FKBP1B: variants seen among roughly 807,000 people sequenced by gnomAD.
FKBP1B encodes FKBP prolyl isomerase 1B, also known as peptidyl-prolyl cis-trans isomerase FKBP1B.
In FKBP1B, 4 loss-of-function variants were observed where a neutral mutation model predicts 13.5. The observed-to-expected ratio is 0.30, with a 90% confidence interval of 0.15 to 0.68. The LOEUF (loss-of-function observed/expected upper bound fraction) is 0.68. Ranked by LOEUF, FKBP1B falls within the 30% of genes least tolerant of loss-of-function variation. FKBP1B has a pLI of 0.76. For synonymous variants in FKBP1B, 54 were observed against 53.6 expected (o/e 1.01, Z -0.03); for missense variants, 93 against 136.2 (o/e 0.68, Z 1.58).
the FKBP1B span, chr2:24,038,043 G>C: frequency 6.2e-7 from 1 of 1,614,088 alleles, no homozygotes; most frequent in Non-Finnish European, 8.5e-7. Context: ...TCTGACTACT[G>C]GTATTAACTG....
At chr2:24,062,478 C>T (rs768599435) in intron 3 of FKBP1B, among the ~76,000 whole-genome samples, 38 of 152,066 alleles carry the variant, frequency 2.5e-4, no homozygotes, top group Non-Finnish European at 1.5e-4. Context: ...CACGCCCGGA[C>T]TTTTTGTATT....
In FKBP1B at chr2:24,063,474, C is replaced by A; in HGVS notation, c.*282C>A. On this transcript the variant is annotated 3_prime_UTR_variant, in exon 4 of 4. Coordinates refer to ENST00000380986, the MANE Select transcript of FKBP1B (RefSeq NM_004116.5). ...TTTCCTGATGACAGAACACAGATCT[C>A]TTGTTCGCACAATCTACACTGCCTT... 2.8e-6 allele frequency: 1 copy of A among 356,328 alleles called. No homozygotes were observed. Among genetic ancestry groups the A allele is most frequent in the Non-Finnish European group, 5.0e-6 (1 of 198,142 alleles). The allele number at this position is 356,328 out of a possible 1,614,324, so 22.1% of individuals were successfully genotyped here.
intron 1 of FKBP1B, among the ~76,000 whole-genome samples, chr2:24,051,959 A>G (rs1202636303): frequency 6.6e-6 from 1 of 152,144 alleles, no homozygotes; most frequent in Non-Finnish European, 1.5e-5. Context: ...TAGGCATCTC[A>G]AGATTGCCAC....
chr2:24,048,854 CCT>C (rs1462670294), upstream of FKBP1B, among the ~76,000 whole-genome samples: 1 of 152,120 alleles, frequency 6.6e-6, no homozygotes, highest in Non-Finnish European at 1.5e-5. Flanking sequence ...TGTCCCCGTC[CCT>C]CTCAGACTTA....
At chr2:24,040,557 T>TC in the FKBP1B span, among the ~76,000 whole-genome samples, 1 of 152,248 alleles carries the variant, frequency 6.6e-6, no homozygotes, top group African/African-American at 2.4e-5. Flanking sequence ...TACTTCTACT[T>TC]CATCTTATTC....
chr2:24,056,991 G>A (rs563205022), intron 2 of FKBP1B, among the ~76,000 whole-genome samples: 9 of 152,012 alleles, frequency 5.9e-5, no homozygotes, highest in East Asian at 1.9e-4. Flanking sequence ...GTGCCCGGCC[G>A]GTTGTCTTTT....
chr2:24,054,159 A>G (rs754790072), intron 2 of FKBP1B: 2 of 710,420 alleles, frequency 2.8e-6, no homozygotes, highest in Non-Finnish European at 5.2e-6. Flanking sequence ...TCCCTCTTCT[A>G]CCAGCAAGGG....
chr2:24,045,687 G>C (rs1663600781), upstream of FKBP1B: 1 of 151,204 alleles, frequency 6.6e-6, no homozygotes, highest in African/African-American at 2.4e-5. Flanking sequence ...AGAAAGGAAA[G>C]GAAGGGCAGG....
intron 3 of FKBP1B, among the ~76,000 whole-genome samples, chr2:24,061,577 T>C (rs1184157657): frequency 6.6e-6 from 1 of 152,210 alleles, no homozygotes; most frequent in African/African-American, 2.4e-5. Context: ...GAAAAGAATT[T>C]CAGAATTACA....
chr2:24,059,935 G>C (rs1664309678), intron 2 of FKBP1B, among the ~76,000 whole-genome samples: 1 of 150,212 alleles, frequency 6.7e-6, no homozygotes, highest in African/African-American at 2.4e-5. Flanking sequence ...AAGTGCAGAG[G>C]AATTTGAGAA....
rs1018003034 is a variant in FKBP1B, at chr2:24,050,611, C to T, written c.37+725C>T. 7.2e-5 allele frequency among the ~76,000 whole-genome samples: 11 copies of T among 152,212 alleles called. No individual in the cohort carries two copies. The highest frequency in any genetic ancestry group is 2.7e-4 in the African/African-American group (11 of 41,460). On this transcript the variant is annotated intron_variant, in intron 1 of 3. Coordinates refer to ENST00000380986, the MANE Select transcript of FKBP1B (RefSeq NM_004116.5). This position sits in a 1 kb window ranked among gnomAD's most constrained non-coding sequence, Gnocchi z 5.8. ...CTTCCCACCTTCTCTCCTAAGTGAT[C>T]CTCTTTATCCCCCTTCCGTGTCTCA... is the stretch of plus-strand genomic sequence containing the variant.
At chr2:24,037,331 T>A in the FKBP1B span, among the ~76,000 whole-genome samples, 2 of 152,194 alleles carry the variant, frequency 1.3e-5, no homozygotes, top group African/African-American at 4.8e-5. Context: ...CAACATAACC[T>A]TTTTTATAAC....
At position 24,060,826 on chromosome 2, in the gene FKBP1B, A is replaced by G. The variant is rs781188602; in HGVS notation, c.98A>G (p.Asn33Ser). Residue 33 changes from asparagine (N) to serine (S), a missense_variant, in exon 3 of 4, where the codon AAT becomes AGT. By Grantham distance (46) the Asn-to-Ser change is conservative. Transcript: ENST00000380986. ...CTTGCTTTGACAGGAATGCTCCAAA[A>G]TGGGAAGAAGTTTGATTCATCCAGA... ...CVVHYTGMLQ[N>S]GKKFDSSRDR... is the part of the protein sequence containing the mutation. The G allele has an allele frequency of 1.2e-6, 2 of 1,613,944 alleles. No homozygotes were observed. Among genetic ancestry groups the G allele is most frequent in the Non-Finnish European group, 1.7e-6 (2 of 1,179,806 alleles).
chr2:24,049,814 C>T lies in FKBP1B; in HGVS notation c.-36C>T, dbSNP rs900611735. On this transcript the variant is annotated 5_prime_UTR_variant, in exon 1 of 4. Coordinates refer to ENST00000380986, the MANE Select transcript of FKBP1B (RefSeq NM_004116.5). The stretch of plus-strand genomic sequence containing the variant: ...GAGCCGAGCCGGGGTCGGGCAGCAG[C>T]AGGGACCCCCCAGAGGCGGGGCCTG... The T allele has an allele frequency of 9.7e-6, 13 of 1,339,054 alleles. No individual in the cohort carries two copies. The African/African-American group carries it at 1.5e-4, about 16-fold the overall frequency. 82.9% of individuals were successfully genotyped at this position (1,339,054 alleles called of 1,614,324 possible). A position where few individuals can be genotyped will look rare whatever the true frequency, so the allele number is the denominator to read the frequency against.
the FKBP1B span, among the ~76,000 whole-genome samples, chr2:24,040,010 A>C: frequency 3.1e-4 from 47 of 151,994 alleles, no homozygotes; most frequent in Non-Finnish European, 6.5e-4. Flanking sequence ...TATGTTGGCC[A>C]GGCTGGTCTC....
At chr2:24,060,613 G>T (rs12988269) in intron 2 of FKBP1B, among the ~76,000 whole-genome samples, 17,744 of 152,192 alleles carry the variant, frequency 0.12, 1,245 homozygotes, top group South Asian at 0.18. Flanking sequence ...CAAAGATATG[G>T]AGGACTTAGT....
At chr2:24,061,100 C>T (rs1195402322) in intron 3 of FKBP1B, among the ~76,000 whole-genome samples, 174 bp downstream of exon 3, 2 of 152,164 alleles carry the variant, frequency 1.3e-5, no homozygotes, top group African/African-American at 4.8e-5. Context: ...CCACCCCTCT[C>T]CTTGCCAGCA....
chr2:24,054,356 C>A (rs565199723), intron 2 of FKBP1B: 1 of 290,886 alleles, frequency 3.4e-6, no homozygotes, highest in Non-Finnish European at 7.1e-6. Flanking sequence ...AGAGGACAGA[C>A]AAGTCACCCA....
chr2:24,038,897 A>G, the FKBP1B span: 13 of 1,614,226 alleles, frequency 8.1e-6, no homozygotes, highest in Non-Finnish European at 1.1e-5. Flanking sequence ...TCCACATCAA[A>G]CACCAGGCAG....
Sources: gnomAD v4.1 joint callset for allele counts (sites outside exome capture counted in the v4.1 genomes callset) on GRCh38, gnomAD v4.1.1 for gene constraint, Gnocchi (gnomAD v3.1) non-coding constraint, MANE v1.5 for transcripts, NCBI Gene and HGNC (gene_info 2026-07-23, HGNC 2026-07-21) for gene names.